Variants in PELI2 observed in about 807,000 individuals in gnomAD.
PELI2 encodes E3 ubiquitin-protein ligase pellino homolog 2.
A neutral mutation model predicts 42.3 loss-of-function variants in PELI2; 23 were observed. The observed-to-expected ratio is 0.54, with a 90% CI of 0.39 to 0.77. The LOEUF (loss-of-function observed/expected upper bound fraction) is 0.77, where lower values mean the gene tolerates loss of function less well. Among genes scored for constraint, PELI2 ranks in the 30% least tolerant of loss-of-function variants. PELI2 has a pLI of 0.00. For synonymous variants in PELI2, 245 were observed against 212.2 expected (o/e 1.15, Z -1.34); for missense variants, 463 against 553.2 (o/e 0.84, Z 1.64).
At chr14:56,283,798 T>C (rs1889561558) in intron 3 of PELI2, among the ~76,000 whole-genome samples, 1 of 152,170 alleles carries the variant, frequency 6.6e-6, no homozygotes, top group African/African-American at 2.4e-5. Context: ...CTTAAGGAAA[T>C]ATAACACATT....
At chr14:56,235,581 G>A (rs1299118981) in intron 2 of PELI2, among the ~76,000 whole-genome samples, 1 of 152,208 alleles carries the variant, frequency 6.6e-6, no homozygotes, top group Non-Finnish European at 1.5e-5. Context: ...GTGGTCACCT[G>A]TATGCAGGGG....
chr14:56,255,097 A>G (rs1888480514), intron 2 of PELI2, among the ~76,000 whole-genome samples: 1 of 152,218 alleles, frequency 6.6e-6, no homozygotes, highest in South Asian at 2.1e-4. Flanking sequence ...AAGGATCTAG[A>G]ATCAGAAATA....
chr14:56,192,313 C>G (rs891021615), intron 2 of PELI2, among the ~76,000 whole-genome samples: 1 of 152,054 alleles, frequency 6.6e-6, no homozygotes, highest in Non-Finnish European at 1.5e-5. Context: ...AAAGTCGAGT[C>G]GTGTTAAACT....
Position 56,273,126 on chromosome 14 carries a change from T to C in PELI2, c.208-6550T>C, listed in dbSNP as rs1889160637. On this transcript the variant is annotated intron_variant, in intron 2 of 5. Coordinates refer to ENST00000267460, the MANE Select transcript of PELI2 (RefSeq NM_021255.3). The surrounding 1 kb of genome is among the most constrained non-coding windows in gnomAD (Gnocchi z 4.3). The stretch of plus-strand genomic sequence containing the variant: ...GTCTCTGGTCCACATCTGGGGCAGC[T>C]GGAGCTGGAGGATCCACTCTCACAG... 6.6e-6 allele frequency among the ~76,000 whole-genome samples: 1 copy of C among 152,214 alleles called. No individual in the cohort carries two copies. The highest frequency in any genetic ancestry group is 1.5e-5 in the Non-Finnish European group (1 of 68,040).
chr14:56,216,482 A>G (rs897564853), intron 2 of PELI2, among the ~76,000 whole-genome samples: 21 of 152,256 alleles, frequency 1.4e-4, no homozygotes, highest in Non-Finnish European at 3.1e-4. Context: ...CTCATACCCA[A>G]CAAGACATAG....
At chr14:56,150,274 C>T (rs1047470281) in intron 1 of PELI2, among the ~76,000 whole-genome samples, 1 of 152,170 alleles carries the variant, frequency 6.6e-6, no homozygotes, top group Non-Finnish European at 1.5e-5. Flanking sequence ...TGAAGGAAAC[C>T]ATTTCCCCAC....
At position 56,197,440 on chromosome 14, in the gene PELI2, C is replaced by T. The variant is rs1466984094; in HGVS notation, c.207+18976C>T. ...GTACAGTCAAGTCTTGTTCATGGGC[C>T]TTGGCTTTAATCTGGTTGCAATAGG... On this transcript the variant is annotated intron_variant, in intron 2 of 5. Coordinates refer to ENST00000267460, the MANE Select transcript of PELI2 (RefSeq NM_021255.3). This position sits in a 1 kb window ranked among gnomAD's most constrained non-coding sequence, Gnocchi z 4.9. 1.3e-5 allele frequency among the ~76,000 whole-genome samples: 2 copies of T among 152,094 alleles called. No homozygotes were observed. Among genetic ancestry groups the T allele is most frequent in the Non-Finnish European group, 2.9e-5 (2 of 68,044 alleles).
chr14:56,134,123 T>C (rs970618081), intron 1 of PELI2, among the ~76,000 whole-genome samples: 2 of 152,240 alleles, frequency 1.3e-5, no homozygotes, highest in Non-Finnish European at 2.9e-5. Context: ...AAGTACTCAT[T>C]GACAATTGAC....
intron 2 of PELI2, among the ~76,000 whole-genome samples, chr14:56,205,028 T>TC (rs1555347286): frequency 1.4e-5 from 1 of 70,172 alleles, no homozygotes; most frequent in Non-Finnish European, 3.2e-5. Flanking sequence ...AGACTCCCTG[T>TC]CAAAAAAAAA....
At chr14:56,276,644 C>G (rs997715971) in intron 2 of PELI2, among the ~76,000 whole-genome samples, 1 of 152,180 alleles carries the variant, frequency 6.6e-6, no homozygotes, top group Non-Finnish European at 1.5e-5. Flanking sequence ...CCACTCCCCA[C>G]CTTCATGGGA....
At chr14:56,166,927 A>G (rs1884984299) in intron 1 of PELI2, among the ~76,000 whole-genome samples, 2 of 152,118 alleles carry the variant, frequency 1.3e-5, no homozygotes, top group African/African-American at 2.4e-5. Context: ...AGCTAGGACT[A>G]CAGGCGCCTG....
At chr14:56,199,727 A>G (rs1292536587) in intron 2 of PELI2, among the ~76,000 whole-genome samples, 1 of 152,244 alleles carries the variant, frequency 6.6e-6, no homozygotes, top group Non-Finnish European at 1.5e-5. Context: ...GTTTTGGTAA[A>G]TTAAAATCTG....
intron 2 of PELI2, among the ~76,000 whole-genome samples, chr14:56,246,368 A>AG (rs1445837525): frequency 4.6e-5 from 7 of 152,240 alleles, no homozygotes; most frequent in African/African-American, 1.7e-4. Flanking sequence ...ACAGCCAAAC[A>AG]GAAAAAGTCA....
At chr14:56,202,262 T>A (rs1182712733) in intron 2 of PELI2, among the ~76,000 whole-genome samples, 1 of 152,024 alleles carries the variant, frequency 6.6e-6, no homozygotes, top group African/African-American at 2.4e-5. Flanking sequence ...GCAGATAGCA[T>A]CACCCCTTTA....
intron 2 of PELI2, among the ~76,000 whole-genome samples, chr14:56,269,111 G>A (rs242585): frequency 0.96 from 146,280 of 152,248 alleles, 70,386 homozygotes; most frequent in East Asian, 1. Context: ...CTTTGCCCCT[G>A]TTTTCCAAAA....
intron 1 of PELI2, among the ~76,000 whole-genome samples, chr14:56,141,945 C>T (rs1028800865): frequency 1.3e-5 from 2 of 152,156 alleles, no homozygotes; most frequent in African/African-American, 4.8e-5. Context: ...TAAACAAATG[C>T]AAAGGGTGTT....
chr14:56,296,433 G>A (rs1196134687), intron 5 of PELI2, among the ~76,000 whole-genome samples, 167 bp from the exon 6 acceptor site: 1 of 152,230 alleles, frequency 6.6e-6, no homozygotes, highest in Admixed American at 6.5e-5. Context: ...AGATGAGGAA[G>A]ATGAGGCTCG....
At chr14:56,274,686 A>G (rs977442885) in intron 2 of PELI2, among the ~76,000 whole-genome samples, 2 of 152,184 alleles carry the variant, frequency 1.3e-5, no homozygotes, top group African/African-American at 4.8e-5. Flanking sequence ...AGCCAGTTCT[A>G]ACTGTTCTCA....
intron 1 of PELI2, among the ~76,000 whole-genome samples, chr14:56,156,375 G>C (rs1595563219): frequency 6.6e-6 from 1 of 152,138 alleles, no homozygotes; most frequent in East Asian, 1.9e-4. Context: ...ACCAGTTAGA[G>C]AGAAAAACAT....
Sources: gnomAD v4.1 joint callset for allele counts (sites outside exome capture counted in the v4.1 genomes callset) on GRCh38, gnomAD v4.1.1 for gene constraint, Gnocchi (gnomAD v3.1) non-coding constraint, MANE v1.5 for transcripts, NCBI Gene and HGNC (gene_info 2026-07-23, HGNC 2026-07-21) for gene names.